FRMD4A: variants seen among roughly 807,000 people sequenced by gnomAD.
FRMD4A encodes the protein FERM domain containing 4A.
In FRMD4A, 29 loss-of-function variants were observed where a neutral mutation model predicts 129.1. The ratio of observed to expected loss-of-function variants is 0.22; its 90% CI spans 0.17 to 0.31. FRMD4A has a LOEUF of 0.31. FRMD4A is among the 10% of genes least tolerant of loss of function. The probability of loss-of-function intolerance (pLI) is 1.00; values close to 1 mark genes in which losing one functional copy is unlikely to be tolerated. For missense variants in FRMD4A, 1,272 were observed against 1,375.8 expected, an observed-to-expected ratio of 0.92 and a Z score of 1.19; for synonymous variants, 634 against 571.6, an observed-to-expected ratio of 1.11 and a Z score of -1.56.
At chr10:14,308,647 G>A (rs1846433605) in intron 2 of FRMD4A, among the ~76,000 whole-genome samples, 1 of 152,116 alleles carries the variant, frequency 6.6e-6, no homozygotes, top group Non-Finnish European at 1.5e-5. Flanking sequence ...TTATTCTCCA[G>A]TTTAATGACA....
At chr10:13,804,956 A>T (rs11258628) in intron 4 of FRMD4A, among the ~76,000 whole-genome samples, 5,935 of 152,212 alleles carry the variant, frequency 0.039, 168 homozygotes, top group Non-Finnish European at 0.057. Flanking sequence ...GAAAGAAAAG[A>T]TCCTTAATTG....
At chr10:13,789,804 T>TGTGTGTGTGTGTGTGTGG (rs1554898662) in intron 5 of FRMD4A, among the ~76,000 whole-genome samples, 1 of 104,110 alleles carries the variant, frequency 9.6e-6, no homozygotes. Context: ...TGTGTGTGTG[T>TGTGTGTGTGTGTGTGTGG]TGTGTGGTGA....
intron 12 of FRMD4A, among the ~76,000 whole-genome samples, chr10:13,713,107 C>G (rs1432442443): frequency 6.6e-6 from 1 of 152,162 alleles, no homozygotes; most frequent in Non-Finnish European, 1.5e-5. Context: ...ACCTCGTCTT[C>G]CCCCGCTGCC....
chr10:13,769,719 G>A (rs186265949), intron 6 of FRMD4A, among the ~76,000 whole-genome samples: 101 of 152,328 alleles, frequency 6.6e-4, no homozygotes, highest in African/African-American at 2.2e-3. Context: ...AGTGTGGGTG[G>A]ACATCACACA....
intron 2 of FRMD4A, among the ~76,000 whole-genome samples, chr10:13,931,426 G>A (rs918096967): frequency 2.6e-5 from 4 of 152,068 alleles, no homozygotes; most frequent in African/African-American, 7.2e-5. Flanking sequence ...TGTGCCCCCC[G>A]AGGACCCTTG....
chr10:13,979,273 G>A (rs2095552563), intron 2 of FRMD4A, among the ~76,000 whole-genome samples: 1 of 152,184 alleles, frequency 6.6e-6, no homozygotes, highest in South Asian at 2.1e-4. Context: ...GTTGTAAAGT[G>A]GGGGTCCTGC....
At chr10:14,065,332 C>T (rs751411609) in intron 2 of FRMD4A, among the ~76,000 whole-genome samples, 146 of 152,248 alleles carry the variant, frequency 9.6e-4, no homozygotes, top group Non-Finnish European at 1.1e-3. Context: ...TACAGGCATT[C>T]GCCACCATAC....
chr10:13,871,090 C>T (rs889590005), intron 2 of FRMD4A: 1 of 159,766 alleles, frequency 6.3e-6, no homozygotes, highest in Non-Finnish European at 1.4e-5. Context: ...TTATGGGGCT[C>T]CACCAGATGT....
intron 2 of FRMD4A, among the ~76,000 whole-genome samples, chr10:13,871,846 A>C (rs1468300485): frequency 6.6e-6 from 1 of 152,208 alleles, no homozygotes; most frequent in African/African-American, 2.4e-5. Flanking sequence ...TCTGAGCCAC[A>C]CACTGTGCCT....
intron 2 of FRMD4A, among the ~76,000 whole-genome samples, chr10:14,069,271 C>G (rs1835207489): frequency 6.6e-6 from 1 of 152,172 alleles, no homozygotes; most frequent in South Asian, 2.1e-4. Context: ...TCAATATACA[C>G]AGCTATAAAA....
chr10:13,939,413 C>T (rs1565077656), intron 2 of FRMD4A, among the ~76,000 whole-genome samples: 1 of 152,154 alleles, frequency 6.6e-6, no homozygotes, highest in Non-Finnish European at 1.5e-5. Flanking sequence ...TTTAGCTTGG[C>T]CAGCATAACT....
chr10:13,848,701 T>A (rs978779951), intron 3 of FRMD4A, among the ~76,000 whole-genome samples: 1 of 151,974 alleles, frequency 6.6e-6, no homozygotes, highest in African/African-American at 2.4e-5. Context: ...TGCTCAGCCC[T>A]CTCTCACAGC....
At chr10:13,699,475 C>T (rs990735267) in intron 14 of FRMD4A, among the ~76,000 whole-genome samples, 4 of 152,084 alleles carry the variant, frequency 2.6e-5, no homozygotes, top group Non-Finnish European at 5.9e-5. Flanking sequence ...CCCATCTTCC[C>T]GGGTGCAGCA....
At chr10:14,152,167 G>A (rs1006032173) in intron 2 of FRMD4A, among the ~76,000 whole-genome samples, 87 of 112,790 alleles carry the variant, frequency 7.7e-4, no homozygotes, top group South Asian at 1.5e-3. Context: ...TCGCTCTGTC[G>A]CCCAGGCTGG....
At chr10:13,928,131 C>T (rs907426845) in intron 2 of FRMD4A, among the ~76,000 whole-genome samples, 2 of 151,694 alleles carry the variant, frequency 1.3e-5, no homozygotes, top group East Asian at 1.9e-4. Context: ...AGCAATCCTC[C>T]TACCTCAGCC....
intron 3 of FRMD4A, among the ~76,000 whole-genome samples, chr10:13,839,220 G>A (rs1397869840): frequency 6.6e-6 from 1 of 152,028 alleles, no homozygotes; most frequent in Non-Finnish European, 1.5e-5. Context: ...TGCCCAGGCT[G>A]CTCTTGAACT....
intron 2 of FRMD4A, among the ~76,000 whole-genome samples, chr10:13,968,417 C>T (rs1653678084): frequency 6.6e-6 from 1 of 152,220 alleles, no homozygotes; most frequent in Non-Finnish European, 1.5e-5. Flanking sequence ...ACATTTGTAT[C>T]TTTCTTAGTC....
At chr10:14,200,647 A>T (rs907212455) in intron 2 of FRMD4A, among the ~76,000 whole-genome samples, 1 of 152,224 alleles carries the variant, frequency 6.6e-6, no homozygotes, top group African/African-American at 2.4e-5. Context: ...AACGCTGAGC[A>T]CTGTGCAGGG....
chr10:14,053,982 C>T (rs909671225), intron 2 of FRMD4A, among the ~76,000 whole-genome samples: 9 of 152,130 alleles, frequency 5.9e-5, no homozygotes, highest in Admixed American at 1.3e-4. Flanking sequence ...ACTCCAGCCT[C>T]GGCAATAGAG....
Sources: allele counts gnomAD v4.1 joint callset (sites outside exome capture counted in the v4.1 genomes callset), GRCh38; gene constraint gnomAD v4.1.1; transcripts MANE v1.5; gene names NCBI Gene and HGNC (gene_info 2026-07-23, HGNC 2026-07-21).